Variants in SNX19 observed in about 807,000 individuals in gnomAD.
The protein encoded by SNX19 is sorting nexin-19.
A neutral mutation model predicts 85.2 loss-of-function variants in SNX19; 60 were observed. The ratio of observed to expected loss-of-function variants is 0.70; its 90% confidence interval spans 0.57 to 0.87. The LOEUF is 0.87. Among genes scored for constraint, SNX19 ranks in the 40% least tolerant of loss-of-function variants. The probability of loss-of-function intolerance (pLI) is 0.00; values close to 1 mark genes in which losing one functional copy is unlikely to be tolerated. For synonymous variants in SNX19, 520 were observed against 470.0 expected, an observed-to-expected ratio of 1.11 and a Z score of -1.38; for missense variants, 1,201 against 1,217.8, an observed-to-expected ratio of 0.99 and a Z score of 0.21.
At chr11:130,885,018 C>T (rs1352101992) in intron 8 of SNX19, among the ~76,000 whole-genome samples, 1 of 151,818 alleles carries the variant, frequency 6.6e-6, no homozygotes, top group Non-Finnish European at 1.5e-5. Context: ...TTTTATTTTC[C>T]ACTACTATTC....
chr11:130,911,365 A>C, intron 2 of SNX19: 2 of 1,001,156 alleles, frequency 2.0e-6, no homozygotes, highest in Non-Finnish European at 1.3e-6. Context: ...ACCAACTTAC[A>C]GGCACAGGTG....
At chr11:130,898,444 C>T (rs1945029557) in intron 8 of SNX19, among the ~76,000 whole-genome samples, 1 of 152,174 alleles carries the variant, frequency 6.6e-6, no homozygotes, top group Admixed American at 6.5e-5. Context: ...GGCACCAACA[C>T]CAACTATCCT....
intron 8 of SNX19, among the ~76,000 whole-genome samples, chr11:130,882,588 C>T (rs1444006865): frequency 4.6e-5 from 7 of 152,230 alleles, no homozygotes; most frequent in African/African-American, 7.2e-5. Context: ...AAATAGCCAA[C>T]ACGATCGTAT....
chr11:130,894,909 G>T (rs1944768979), intron 8 of SNX19: 26 of 985,374 alleles, frequency 2.6e-5, no homozygotes, highest in Non-Finnish European at 3.0e-5. Context: ...TCCCCCCAAA[G>T]AACTTCATGC....
chr11:130,897,346 T>C (rs1944943702), intron 8 of SNX19, among the ~76,000 whole-genome samples: 1 of 150,458 alleles, frequency 6.6e-6, no homozygotes, highest in African/African-American at 2.4e-5. Flanking sequence ...CCCCCAACAC[T>C]CACACACACA....
intron 8 of SNX19, among the ~76,000 whole-genome samples, chr11:130,888,770 TA>T (rs2135315138): frequency 6.6e-6 from 1 of 152,338 alleles, no homozygotes; most frequent in African/African-American, 2.4e-5. Flanking sequence ...ATGTTAAATA[TA>T]AATTTGTTAA....
intron 1 of SNX19, among the ~76,000 whole-genome samples, chr11:130,913,236 G>A (rs1946281669): frequency 6.6e-6 from 1 of 152,102 alleles, no homozygotes; most frequent in Non-Finnish European, 1.5e-5. Context: ...TGTGAGAAAG[G>A]TGCATGGCAT....
Position 130,911,496 on chromosome 11 carries a change from C to T in SNX19, c.1813+137G>A, listed in dbSNP as rs1592373206. The T allele has an allele frequency of 2.7e-6, 4 of 1,506,520 alleles. No homozygotes were observed. In the East Asian group the frequency reaches 9.3e-5, roughly 35 times the overall value. 93.3% of individuals were successfully genotyped at this position (1,506,520 alleles called of 1,614,324 possible). ...TGCTGTCCAGCACTAAACTTCAAAA[C>T]TCCTGAAGCAAATCCAGGGAGCAGA... On this transcript the variant is annotated intron_variant, in intron 2 of 10. Coordinates refer to ENST00000265909, the MANE Select transcript of SNX19 (RefSeq NM_014758.3).
chr11:130,879,708 A>G lies in SNX19; in HGVS notation c.2762T>C (p.Leu921Pro). 2 of 1,613,808 alleles carry G rather than the reference A, an allele frequency of 1.2e-6. No individual in the cohort carries two copies. The highest frequency in any genetic ancestry group is 1.7e-6 in the Non-Finnish European group (2 of 1,179,818). The change falls in exon 10 of 11, where the codon CTC becomes CCC. Residue 921 changes from leucine (L) to proline (P), a missense_variant. Around this residue, in one of 3 missense-constraint regions of SNX19, gnomAD observed 285 missense variants for 295.3 expected, o/e 0.97. Coordinates refer to ENST00000265909, the MANE Select transcript of SNX19 (RefSeq NM_014758.3). ...GTTCACCCCAAGAATTTCTACTACG[A>G]GATCTGAGGAGGAAAAAACAGATGG... ...LQSLMGVLPD[L>P]VVEILGVNKC... is the part of the protein sequence containing the mutation.
intron 9 of SNX19, 60 bp downstream of exon 9, chr11:130,880,562 T>C: frequency 2.0e-6 from 3 of 1,465,616 alleles, no homozygotes; most frequent in Non-Finnish European, 2.8e-6. Context: ...GGGGTAATGG[T>C]GGCAAAGCAG....
rs1202479275 is a variant in SNX19, at chr11:130,871,490, A to C, written c.*6932T>G. Among the ~76,000 whole-genome samples, 1 of 152,196 alleles carries C rather than the reference A, an allele frequency of 6.6e-6. No homozygotes were observed. The highest frequency in any genetic ancestry group is 1.5e-5 in the Non-Finnish European group (1 of 68,034). ...AATAAGGTCTATTCTTCTTGGTGTC[A>C]AGGTATGAAAAGCAGTATTTCATAT... On this transcript the variant is annotated 3_prime_UTR_variant, in exon 11 of 11. Coordinates refer to ENST00000265909, the MANE Select transcript of SNX19 (RefSeq NM_014758.3).
rs577351533 is a variant in SNX19 at position 130,875,443 on chromosome 11, G to A, written c.*2979C>T. Reference sequence around the variant, plus strand: ...GCAGTCTGCTACAAAGCACTGTGCTGCTTCTAGTTAATAATGTACCGTCTC... The same window carrying A: ...GCAGTCTGCTACAAAGCACTGTGCTACTTCTAGTTAATAATGTACCGTCTC... On this transcript the variant is annotated 3_prime_UTR_variant, in exon 11 of 11. Transcript: ENST00000265909. The A allele has an allele frequency of 1.3e-5, 2 of 152,282 alleles. No homozygotes were observed. The highest frequency in any genetic ancestry group is 1.3e-4 in the Admixed American group (2 of 15,272). The allele number at this position is 152,282 out of a possible 1,614,324, so 9.4% of individuals were successfully genotyped here. A position where few individuals can be genotyped will look rare whatever the true frequency, so the allele number is the denominator to read the frequency against.
At chr11:130,906,977 T>G (rs1025828292) in intron 5 of SNX19, among the ~76,000 whole-genome samples, 1 of 152,222 alleles carries the variant, frequency 6.6e-6, no homozygotes, top group African/African-American at 2.4e-5. Context: ...TGGTTTCTGC[T>G]AAGTAAAACT....
intron 8 of SNX19, among the ~76,000 whole-genome samples, chr11:130,885,769 C>CCTTAT (rs139182248): frequency 0.44 from 66,257 of 151,916 alleles, 14,741 homozygotes; most frequent in South Asian, 0.56. Flanking sequence ...TATGCTCCAA[C>CCTTAT]CTTAAGATAC....
At chr11:130,886,181 C>A (rs74959290) in intron 8 of SNX19, among the ~76,000 whole-genome samples, 2 of 152,158 alleles carry the variant, frequency 1.3e-5, no homozygotes, top group African/African-American at 4.8e-5. Context: ...CAATGTTTTT[C>A]GACCTGTGGG....
intron 9 of SNX19, 47 bp from the exon 10 acceptor site, chr11:130,879,758 T>C (rs1254811090): frequency 6.4e-7 from 1 of 1,559,272 alleles, no homozygotes; most frequent in South Asian, 1.1e-5. Flanking sequence ...CACTGAAGTT[T>C]TAGATTCTAA....
chr11:130,897,248 G>A (rs1944937236), intron 8 of SNX19, among the ~76,000 whole-genome samples: 1 of 151,908 alleles, frequency 6.6e-6, no homozygotes, highest in South Asian at 2.1e-4. Flanking sequence ...CTTCCTCTCT[G>A]GATACTTCCT....
chr11:130,907,902 G>C (rs771923281), intron 5 of SNX19, 51 bp downstream of exon 5: 2 of 1,605,738 alleles, frequency 1.2e-6, no homozygotes, highest in Admixed American at 3.3e-5. Context: ...GAGGATTGGG[G>C]ATCAATTTGA....
Position 130,889,392 on chromosome 11 carries a change from C to T in SNX19, c.2574-8586G>A, listed in dbSNP as rs1006342714. The stretch of plus-strand genomic sequence containing the variant: ...TGAGCTTCTTGTAAATGCCCCCCGA[C>T]CCCCCAGAAAAAGACTCTTAAGGTT... On this transcript the variant is annotated intron_variant, in intron 8 of 10. Transcript: ENST00000265909. Among the ~76,000 whole-genome samples, 9 of 151,918 alleles carry T rather than the reference C, an allele frequency of 5.9e-5. No homozygotes were observed. In the East Asian group the frequency reaches 1.5e-3, roughly 26 times the overall value.
Sources: gnomAD v4.1 joint callset for allele counts (sites outside exome capture counted in the v4.1 genomes callset) on GRCh38, gnomAD v4.1.1 for gene constraint, gnomAD v4.1.1 regional missense constraint, MANE v1.5 for transcripts, NCBI Gene and HGNC (gene_info 2026-07-23, HGNC 2026-07-21) for gene names.